Variants in CUX1 observed in about 807,000 individuals in gnomAD.
CUX1 encodes the protein cut like homeobox 1.
In CUX1, 31 loss-of-function variants were observed where a neutral mutation model predicts 158.8. That is an observed-to-expected ratio of 0.20 (90% CI 0.15 to 0.26). The LOEUF is 0.26. Ranked by LOEUF, CUX1 falls within the 10% of genes least tolerant of loss-of-function variation. CUX1 has a pLI of 1.00. For missense variants in CUX1, 1,589 were observed against 2,014.6 expected (o/e 0.79, Z 4.04); for synonymous variants, 879 against 862.1 (o/e 1.02, Z -0.34).
intron 8 of CUX1, 145 bp downstream of exon 8, chr7:102,115,418 T>C: frequency 1.5e-6 from 1 of 652,006 alleles, no homozygotes. Context: ...GTCGGTTCAA[T>C]GCACGTTCTA....
intron 8 of CUX1, among the ~76,000 whole-genome samples, chr7:102,156,495 T>C (rs1314691760): frequency 6.6e-6 from 1 of 152,114 alleles, no homozygotes; most frequent in Non-Finnish European, 1.5e-5. Context: ...CAAGAACTCA[T>C]TCACTGCCAG....
Position 102,250,788 on chromosome 7 carries a change from G to A in CUX1, c.*1746G>A, listed in dbSNP as rs1801429581. ...TAGAGGCGGGTGAGAGTGTGCGTGCGTGTGCGTGTGTGCAATTTTATACGT... is the reference window on the plus strand; with the variant it reads ...TAGAGGCGGGTGAGAGTGTGCGTGCATGTGCGTGTGTGCAATTTTATACGT... On this transcript the variant is annotated 3_prime_UTR_variant, in exon 24 of 24. Coordinates refer to ENST00000292535, the MANE Select transcript of CUX1 (RefSeq NM_181552.4). The A allele has an allele frequency of 6.1e-6, 6 of 984,994 alleles. No individual in the cohort carries two copies. Among genetic ancestry groups the A allele is most frequent in the Non-Finnish European group, 7.2e-6 (6 of 829,610 alleles). The allele number at this position is 984,994 out of a possible 1,614,324, so 61.0% of individuals were successfully genotyped here.
chr7:102,097,445 A>G lies in CUX1; in HGVS notation c.350A>G (p.Lys117Arg). Reference protein sequence around the residue: ...RLHDIETENQKLRETLEEYNK... With the variant: ...RLHDIETENQRLRETLEEYNK... ...CACGATATTGAAACAGAGAACCAGA[A>G]ACTTAGGGAAACTCTGGAAGAATAC... The change falls in exon 5 of 24, where the codon AAA (lysine) becomes AGA (arginine). Residue 117 changes from lysine to arginine, a missense_variant. By Grantham distance (26) the Lys-to-Arg change is conservative (BLOSUM62 2). Around this residue, in one of 8 missense-constraint regions of CUX1, gnomAD observed 515 missense variants for 574.4 expected, o/e 0.90. Coordinates refer to ENST00000292535, the MANE Select transcript of CUX1 (RefSeq NM_181552.4). 2 of 1,613,556 alleles carry G rather than the reference A, an allele frequency of 1.2e-6. No individual in the cohort carries two copies. Among genetic ancestry groups the G allele is most frequent in the Non-Finnish European group, 1.7e-6 (2 of 1,179,904 alleles).
At position 102,280,181 on chromosome 7, in the gene CUX1, T is replaced by TC. The variant is rs1362703878; in HGVS notation, c.1764+67dup. ...GCATCAGCCCAGGGAAGCCCAGGGG[T>TC]CCCCCCATCACTTGGCCCCTATCCC... On this transcript the variant is annotated intron_variant, in intron 19 of 22. Transcript: ENST00000292538. The TC allele has an allele frequency of 8.7e-6, 10 of 1,142,992 alleles. 1 individual carries two copies. The highest frequency in any genetic ancestry group is 1.2e-5 in the Non-Finnish European group (9 of 774,236). 70.8% of individuals were successfully genotyped at this position (1,142,992 alleles called of 1,614,324 possible). A position where few individuals can be genotyped will look rare whatever the true frequency, so the allele number is the denominator to read the frequency against.
rs1419931902 is a variant in CUX1 at position 102,281,273 on chromosome 7, C to T, written c.1821+413C>T. 4.0e-5 allele frequency among the ~76,000 whole-genome samples: 6 copies of T among 150,986 alleles called. No individual in the cohort carries two copies. In the South Asian group the frequency reaches 8.4e-4, roughly 21 times the overall value. ...TAGTCCCAGCTACTCAGGAGGCTGA[C>T]GGAGGAGGATCACTTGAGCCTAGGA... On this transcript the variant is annotated intron_variant, in intron 20 of 22. Coordinates refer to the CUX1 transcript ENST00000292538.
intron 13 of CUX1, among the ~76,000 whole-genome samples, chr7:102,194,632 A>G (rs1330492126): frequency 2.6e-5 from 4 of 151,536 alleles, no homozygotes; most frequent in Admixed American, 6.6e-5. Context: ...GCAGCCAAAA[A>G]TGGATTGGTT....
intron 2 of CUX1, among the ~76,000 whole-genome samples, chr7:101,943,819 G>A (rs573688342): frequency 6.6e-5 from 10 of 151,996 alleles, no homozygotes; most frequent in South Asian, 4.2e-4. Flanking sequence ...CATAAATATC[G>A]TTAAATAAGT....
intron 20 of CUX1, among the ~76,000 whole-genome samples, chr7:102,221,583 G>A (rs1334389620): frequency 6.6e-6 from 1 of 151,626 alleles, no homozygotes; most frequent in African/African-American, 2.4e-5. Flanking sequence ...ACTTAAGGCA[G>A]CTGTTGTTTG....
At chr7:102,131,428 A>G (rs1460213678) in intron 8 of CUX1, among the ~76,000 whole-genome samples, 2 of 151,744 alleles carry the variant, frequency 1.3e-5, no homozygotes, top group Admixed American at 1.3e-4. Flanking sequence ...CCGAGGCAGG[A>G]GGGTCGTTTG....
chr7:101,985,280 T>G, intron 2 of CUX1, among the ~76,000 whole-genome samples: 1 of 151,114 alleles, frequency 6.6e-6, no homozygotes, highest in African/African-American at 2.4e-5. Flanking sequence ...GAGAGGGGGG[T>G]CGTGCGGGGA....
intron 23 of CUX1, among the ~76,000 whole-genome samples, chr7:102,246,682 G>A (rs1554537077): frequency 6.6e-6 from 1 of 151,972 alleles, no homozygotes; most frequent in Non-Finnish European, 1.5e-5. Context: ...AGATTCTCCT[G>A]CCTCAGCCTC....
At chr7:102,280,613 G>A (rs1444570375) in intron 19 of CUX1, among the ~76,000 whole-genome samples, 3 of 152,002 alleles carry the variant, frequency 2.0e-5, no homozygotes, top group Non-Finnish European at 2.9e-5. Context: ...CAGATGTCAG[G>A]GGAGTCCAGA....
In CUX1 at chr7:102,205,166, C is replaced by T. The variant is rs1554520765; in HGVS notation, c.3126C>T (p.Ser1042=). The change falls in exon 20 of 24, where the codon AGC becomes AGT. Residue 1042 remains serine (S), a synonymous_variant. Coordinates refer to ENST00000292535, the MANE Select transcript of CUX1 (RefSeq NM_181552.4). ...LQDPLQQGCV[S]SESTPKTSAS... is the part of the protein sequence containing the mutation. ...ACCCGCTGCAGCAGGGCTGTGTGAGCTCAGGTAAGCAGCCAGTTTCTGTTG... is the reference window on the plus strand; with the variant it reads ...ACCCGCTGCAGCAGGGCTGTGTGAGTTCAGGTAAGCAGCCAGTTTCTGTTG... 1 of 1,608,348 alleles carries T rather than the reference C, an allele frequency of 6.2e-7. No homozygotes were observed. The highest frequency in any genetic ancestry group is 2.2e-5 in the East Asian group (1 of 44,874).
chr7:102,107,297 G>C (rs1554488769), intron 6 of CUX1, among the ~76,000 whole-genome samples: 1 of 152,188 alleles, frequency 6.6e-6, no homozygotes, highest in Non-Finnish European at 1.5e-5. Flanking sequence ...CCAGCACTTT[G>C]GGAGGGTGAG....
intron 1 of CUX1, among the ~76,000 whole-genome samples, chr7:101,821,854 T>TTG (rs1554377974): frequency 7.2e-6 from 1 of 139,144 alleles, no homozygotes; most frequent in Non-Finnish European, 1.5e-5. Context: ...TTTTTGTTTT[T>TTG]TTGTTTTTTT....
chr7:101,969,359 C>CAAAAAAAAAAAAAAAAAAAAAAAGAA (rs1811641271), intron 2 of CUX1, among the ~76,000 whole-genome samples: 2 of 56,114 alleles, frequency 3.6e-5, no homozygotes, highest in African/African-American at 7.5e-5. Flanking sequence ...CAAAAAACAG[C>CAAAAAAAAAAAAAAAAAAAAAAAGAA]AAAAAAAAAA....
intron 2 of CUX1, among the ~76,000 whole-genome samples, chr7:101,939,058 CAT>C (rs58303224): frequency 2.2e-3 from 115 of 52,568 alleles, no homozygotes; most frequent in East Asian, 4.3e-3. Context: ...AAAAAAAATA[CAT>C]ATATATATAT....
At chr7:101,831,933 G>T (rs1292327830) in intron 1 of CUX1, among the ~76,000 whole-genome samples, 2 of 110,172 alleles carry the variant, frequency 1.8e-5, no homozygotes, top group African/African-American at 3.2e-5. Context: ...TTGTAGAGAT[G>T]GGGGGGTCTC....
chr7:102,166,870 GC>G (rs1791100122), intron 9 of CUX1, among the ~76,000 whole-genome samples: 1 of 152,176 alleles, frequency 6.6e-6, no homozygotes, highest in African/African-American at 2.4e-5. Flanking sequence ...ACGAAGGCAA[GC>G]CACAAGTGAT....
Sources: allele counts gnomAD v4.1 joint callset (sites outside exome capture counted in the v4.1 genomes callset), GRCh38; gene constraint gnomAD v4.1.1; regional missense constraint gnomAD v4.1.1; transcripts MANE v1.5; gene names NCBI Gene and HGNC (gene_info 2026-07-23, HGNC 2026-07-21).